ENTREP2: variants seen among roughly 807,000 people sequenced by gnomAD.
The protein encoded by ENTREP2 is endosomal transmembrane epsin interactor 2.
At chr15:29,588,032 A>C in the ENTREP2 span, among the ~76,000 whole-genome samples, 3 of 152,238 alleles carry the variant, frequency 2.0e-5, no homozygotes, top group African/African-American at 7.2e-5. Context: ...ATCATTTTGC[A>C]AATCACAATT....
the ENTREP2 span, among the ~76,000 whole-genome samples, chr15:29,455,966 C>A: frequency 6.6e-6 from 1 of 152,334 alleles, no homozygotes; most frequent in East Asian, 1.9e-4. Context: ...TGCAGGAAAA[C>A]AAGCTCAGGG....
At chr15:29,124,640 C>G in the ENTREP2 span, 43 of 1,505,778 alleles carry the variant, frequency 2.9e-5, no homozygotes, top group Middle Eastern at 5.1e-4. Flanking sequence ...ACCCGCCCCA[C>G]CTCCCAGCAG....
chr15:29,259,595 C>G, the ENTREP2 span, among the ~76,000 whole-genome samples: 1 of 152,116 alleles, frequency 6.6e-6, no homozygotes, highest in East Asian at 1.9e-4. Context: ...CTACTTTCCA[C>G]TTTTGGTAAT....
the ENTREP2 span, among the ~76,000 whole-genome samples, chr15:29,628,140 C>A: frequency 0.021 from 3,151 of 152,274 alleles, 120 homozygotes; most frequent in African/African-American, 0.073. Context: ...CTCACCAACA[C>A]TTGTCATTTT....
chr15:29,583,614 A>C, the ENTREP2 span, among the ~76,000 whole-genome samples: 2 of 152,240 alleles, frequency 1.3e-5, no homozygotes, highest in African/African-American at 4.8e-5. Flanking sequence ...ACAAACCTGC[A>C]CATCCTACAC....
chr15:29,333,436 T>C, the ENTREP2 span, among the ~76,000 whole-genome samples: 11 of 151,872 alleles, frequency 7.2e-5, no homozygotes, highest in African/African-American at 2.4e-4. Flanking sequence ...CCGCCCCACT[T>C]GACACAGGCG....
the ENTREP2 span, chr15:29,269,723 C>T: frequency 2.0e-6 from 3 of 1,500,478 alleles, no homozygotes; most frequent in Middle Eastern, 1.9e-4. Context: ...GCGGCAGGTG[C>T]CGGCGCACAC....
At chr15:29,493,118 G>A in the ENTREP2 span, among the ~76,000 whole-genome samples, 1 of 142,794 alleles carries the variant, frequency 7.0e-6, no homozygotes, top group African/African-American at 2.6e-5. Context: ...ATGCTTCCCT[G>A]ACAACCCTTT....
At chr15:29,234,845 GAT>G in the ENTREP2 span, 5 of 1,415,490 alleles carry the variant, frequency 3.5e-6, no homozygotes, top group Non-Finnish European at 5.0e-6. Context: ...CTTTGCATTA[GAT>G]ATGTTTGCTT....
chr15:29,667,007 T>A, the ENTREP2 span, among the ~76,000 whole-genome samples: 1 of 152,076 alleles, frequency 6.6e-6, no homozygotes, highest in African/African-American at 2.4e-5. Flanking sequence ...CACCTAGCAC[T>A]CCCACTATGC....
chr15:29,644,716 T>C, the ENTREP2 span, among the ~76,000 whole-genome samples: 10,694 of 150,942 alleles, frequency 0.071, 1,159 homozygotes, highest in African/African-American at 0.24. Context: ...GGTAGGAGAA[T>C]TGCTTGAACC....
At chr15:29,174,166 T>G in the ENTREP2 span, among the ~76,000 whole-genome samples, 2 of 152,330 alleles carry the variant, frequency 1.3e-5, no homozygotes, top group Admixed American at 1.3e-4. Flanking sequence ...GTATTACTCT[T>G]GATTTTGGGG....
the ENTREP2 span, among the ~76,000 whole-genome samples, chr15:29,450,188 T>C: frequency 7.2e-5 from 11 of 152,194 alleles, no homozygotes; most frequent in Non-Finnish European, 1.2e-4. Context: ...TTTTCTCCCA[T>C]CCTGTAGGCT....
chr15:29,579,784 C>T, the ENTREP2 span, among the ~76,000 whole-genome samples: 1 of 145,240 alleles, frequency 6.9e-6, no homozygotes, highest in Admixed American at 7.1e-5. Flanking sequence ...GATCTCGGCT[C>T]ACTGCAAGGT....
the ENTREP2 span, among the ~76,000 whole-genome samples, chr15:29,148,574 TG>T: frequency 5.9e-5 from 9 of 152,248 alleles, no homozygotes; most frequent in Non-Finnish European, 1.2e-4. Context: ...TATACTGTAT[TG>T]TTTTTTATTT....
the ENTREP2 span, among the ~76,000 whole-genome samples, chr15:29,508,977 G>A: frequency 6.6e-6 from 1 of 152,156 alleles, no homozygotes; most frequent in Non-Finnish European, 1.5e-5. Context: ...CTTTGCAGGT[G>A]ACATGATTGT....
At chr15:29,139,815 C>T in the ENTREP2 span, among the ~76,000 whole-genome samples, 1 of 152,214 alleles carries the variant, frequency 6.6e-6, no homozygotes, top group Admixed American at 6.5e-5. Flanking sequence ...GCAAGTGGCG[C>T]TTGACGTCTC....
chr15:29,126,441 C>T, the ENTREP2 span: 1 of 1,550,050 alleles, frequency 6.5e-7, no homozygotes, highest in East Asian at 2.4e-5. Flanking sequence ...GGGCTGGAAC[C>T]TGGCGTAGCA....
chr15:29,339,067 C>T, the ENTREP2 span, among the ~76,000 whole-genome samples: 1 of 152,212 alleles, frequency 6.6e-6, no homozygotes, highest in South Asian at 2.1e-4. Context: ...AAGGTGCTGA[C>T]TCCTGACTCA....
Sources: gnomAD v4.1 joint callset for allele counts (sites outside exome capture counted in the v4.1 genomes callset) on GRCh38, gnomAD v4.1.1 for gene constraint, MANE v1.5 for transcripts, NCBI Gene and HGNC (gene_info 2026-07-23, HGNC 2026-07-21) for gene names.